The following ABI3BP variants were observed in gnomAD, a reference collection of about 807,000 sequenced individuals.
The protein encoded by ABI3BP is target of Nesh-SH3.
ABI3BP carries 216 observed loss-of-function variants against 268.6 expected under a neutral mutation model. That is an observed-to-expected ratio of 0.80 (90% CI 0.72 to 0.90). The LOEUF is 0.90. Among genes scored for constraint, ABI3BP ranks in the 40% least tolerant of loss-of-function variants. The pLI is 0.00. For synonymous variants in ABI3BP, 730 were observed against 730.0 expected, an observed-to-expected ratio of 1.00 and a Z score of 0.00; for missense variants, 2,090 against 2,182.4, an observed-to-expected ratio of 0.96 and a Z score of 0.84.
intron 2 of ABI3BP, among the ~76,000 whole-genome samples, chr3:100,924,403 G>A (rs1331412410): frequency 6.6e-6 from 1 of 152,084 alleles, no homozygotes; most frequent in African/African-American, 2.4e-5. Flanking sequence ...AAAGCACAGT[G>A]TTATTAAAAA....
chr3:100,754,507 A>G, intron 64 of ABI3BP, 105 bp downstream of exon 64: 2 of 1,127,410 alleles, frequency 1.8e-6, no homozygotes, highest in South Asian at 1.5e-5. Context: ...TTAGAAATTC[A>G]AGAAACAGTA....
intron 2 of ABI3BP, chr3:100,914,447 C>G: frequency 2.2e-6 from 1 of 455,592 alleles, no homozygotes; most frequent in Non-Finnish European, 4.4e-6. Flanking sequence ...GCCAGCCGTA[C>G]CACAGAACAA....
Position 100,938,300 on chromosome 3 carries a change from TA to T in ABI3BP, c.80-11820del, listed in dbSNP as rs35474962. On this transcript the variant is annotated intron_variant, in intron 1 of 67. Transcript: ENST00000471714. ...CACATGTACCCCTGAACCTAAAAGTTAAAAAAAAAAAAACAAGCAAACATAG... is the reference window on the plus strand; with the variant it reads ...CACATGTACCCCTGAACCTAAAAGTTAAAAAAAAAAAACAAGCAAACATAG... 9.6e-3 allele frequency among the ~76,000 whole-genome samples: 1,392 copies of T among 144,316 alleles called. 20 individuals carry two copies. Among genetic ancestry groups the T allele is most frequent in the African/African-American group, 0.023 (904 of 39,190 alleles). The allele number at this position is 144,316 out of a possible 152,430, so 94.7% of individuals were successfully genotyped here. A position where few individuals can be genotyped will look rare whatever the true frequency, so the allele number is the denominator to read the frequency against.
At chr3:100,887,124 A>G (rs1471247581) in intron 4 of ABI3BP, among the ~76,000 whole-genome samples, 2 of 152,008 alleles carry the variant, frequency 1.3e-5, no homozygotes, top group East Asian at 1.9e-4. Flanking sequence ...AACTTGCCCA[A>G]TATCACCCAG....
intron 1 of ABI3BP, among the ~76,000 whole-genome samples, chr3:100,939,968 T>C (rs2873446): frequency 0.26 from 39,511 of 151,902 alleles, 5,633 homozygotes; most frequent in East Asian, 0.42. Context: ...AATTCAGCAA[T>C]ATTTCTCCCA....
intron 4 of ABI3BP, among the ~76,000 whole-genome samples, chr3:100,888,169 C>T (rs551335949): frequency 1.3e-5 from 2 of 152,230 alleles, no homozygotes; most frequent in Admixed American, 6.5e-5. Flanking sequence ...TCCATTCCCC[C>T]ATTCCAAAGT....
chr3:100,760,070 AAAC>A (rs1175715488), intron 63 of ABI3BP, among the ~76,000 whole-genome samples: 2 of 152,302 alleles, frequency 1.3e-5, no homozygotes, highest in Non-Finnish European at 2.9e-5. Flanking sequence ...TAAATCAACA[AAAC>A]AACAGTCCCA....
chr3:100,754,716 A>G (rs2095523883), intron 63 of ABI3BP, 25 bp from the exon 64 acceptor site: 2 of 1,542,812 alleles, frequency 1.3e-6, no homozygotes, highest in South Asian at 1.2e-5. Flanking sequence ...ATAAAAAAAT[A>G]CTTGTAATAC....
chr3:100,785,121 A>C (rs1281611975), intron 57 of ABI3BP, among the ~76,000 whole-genome samples: 1 of 152,202 alleles, frequency 6.6e-6, no homozygotes, highest in Non-Finnish European at 1.5e-5. Flanking sequence ...TCCTTTATTA[A>C]CTAATTTTTT....
Position 100,842,001 on chromosome 3 carries a change from T to C in ABI3BP, c.1762A>G (p.Ile588Val). The C allele has an allele frequency of 2.0e-6, 3 of 1,533,100 alleles. No homozygotes were observed. Among genetic ancestry groups the C allele is most frequent in the Non-Finnish European group, 2.6e-6 (3 of 1,144,338 alleles). 95.0% of individuals were successfully genotyped at this position (1,533,100 alleles called of 1,614,324 possible). A position where few individuals can be genotyped will look rare whatever the true frequency, so the allele number is the denominator to read the frequency against. The change falls in exon 21 of 68, where the codon ATA becomes GTA. Residue 588 changes from isoleucine to valine, a missense_variant. By Grantham distance (29) the Ile-to-Val change is conservative (BLOSUM62 3). Coordinates refer to ENST00000471714, the MANE Select transcript of ABI3BP (RefSeq NM_001375547.2). ...TCATTAAAAAAAGCTTTATTACCTATTGTTGACTGTGATGGCAGTAGAGTC... is the reference window on the plus strand; with the variant it reads ...TCATTAAAAAAAGCTTTATTACCTACTGTTGACTGTGATGGCAGTAGAGTC... ...PQTLLPSQST[I>V]GPETPGTKPS...
At chr3:100,861,720 CAG>C (rs1312772010) in intron 14 of ABI3BP, among the ~76,000 whole-genome samples, 2 of 150,300 alleles carry the variant, frequency 1.3e-5, no homozygotes, top group Non-Finnish European at 3.0e-5. Context: ...CCAATTGCTA[CAG>C]TTTGCAAAAG....
chr3:100,778,424 G>T, intron 58 of ABI3BP, 48 bp from the exon 59 acceptor site: 1 of 1,510,078 alleles, frequency 6.6e-7, no homozygotes, highest in Non-Finnish European at 9.0e-7. Flanking sequence ...CCATCATAAA[G>T]ATTCATTATC....
chr3:100,985,340 A>G (rs111646017), intron 1 of ABI3BP, among the ~76,000 whole-genome samples: 26,040 of 151,250 alleles, frequency 0.17, 2,388 homozygotes, highest in Middle Eastern at 0.24. Flanking sequence ...TAGTAGAGAC[A>G]GGGTTTCACC....
chr3:100,927,954 T>C (rs2153649566), intron 1 of ABI3BP, among the ~76,000 whole-genome samples: 1 of 151,782 alleles, frequency 6.6e-6, no homozygotes. Context: ...TGTCTTTTTT[T>C]TTTTTTTTGT....
chr3:100,861,004 A>G (rs1430567043), intron 14 of ABI3BP, among the ~76,000 whole-genome samples: 1 of 152,148 alleles, frequency 6.6e-6, no homozygotes, highest in Middle Eastern at 3.2e-3. Context: ...AGGCTCACTC[A>G]GTATGAAATT....
At chr3:100,794,847 T>C (rs2097297662) in intron 54 of ABI3BP, 76 bp downstream of exon 54, 1 of 1,052,254 alleles carries the variant, frequency 9.5e-7, no homozygotes. Context: ...TCTGTGAACA[T>C]AATGTATTAT....
chr3:100,868,921 C>T, intron 9 of ABI3BP, among the ~76,000 whole-genome samples: 1 of 152,040 alleles, frequency 6.6e-6, no homozygotes, highest in East Asian at 1.9e-4. Context: ...AAATTCAGAT[C>T]ATGAATTTTT....
At chr3:100,929,825 T>C (rs980064624) in intron 1 of ABI3BP, among the ~76,000 whole-genome samples, 3 of 152,032 alleles carry the variant, frequency 2.0e-5, no homozygotes, top group African/African-American at 7.2e-5. Flanking sequence ...TGCCTTGACT[T>C]ACTCAGTTAT....
chr3:100,768,647 G>T (rs2096421117), intron 62 of ABI3BP, among the ~76,000 whole-genome samples: 1 of 152,094 alleles, frequency 6.6e-6, no homozygotes, highest in East Asian at 1.9e-4. Flanking sequence ...AGTTTATGCG[G>T]CATATTCAAA....
Sources: allele counts gnomAD v4.1 joint callset (sites outside exome capture counted in the v4.1 genomes callset), GRCh38; gene constraint gnomAD v4.1.1; transcripts MANE v1.5; gene names NCBI Gene and HGNC (gene_info 2026-07-23, HGNC 2026-07-21).